The following LMF1 variants were observed in gnomAD, a reference collection of about 807,000 sequenced individuals.
LMF1 encodes the protein transmembrane protein 112.
LMF1 carries 68 observed loss-of-function variants against 60.6 expected under a neutral mutation model. The ratio of observed to expected loss-of-function variants is 1.12; its 90% confidence interval spans 0.92 to 1.37. The LOEUF (loss-of-function observed/expected upper bound fraction) is 1.37. Ranked by LOEUF, LMF1 falls within the 40% of genes most tolerant of loss-of-function variation. The probability of loss-of-function intolerance (pLI) is 0.00; values close to 1 mark genes in which losing one functional copy is unlikely to be tolerated. For synonymous variants in LMF1, 418 were observed against 324.7 expected, an observed-to-expected ratio of 1.29 and a Z score of -3.09; for missense variants, 948 against 767.2, an observed-to-expected ratio of 1.24 and a Z score of -2.78.
At chr16:948,465 G>A (rs1442236470) in intron 2 of LMF1, among the ~76,000 whole-genome samples, 1 of 149,724 alleles carries the variant, frequency 6.7e-6, no homozygotes, top group Non-Finnish European at 1.5e-5. Flanking sequence ...GACAGAGTCA[G>A]AGACAATGAC....
chr16:971,033 CA>C (rs1567343233), upstream of LMF1: 3 of 762,130 alleles, frequency 3.9e-6, no homozygotes, highest in East Asian at 8.9e-5. Context: ...AGGCCCCGCC[CA>C]TTCTCGGAGG....
intron 1 of LMF1, chr16:980,995 C>A: frequency 6.3e-6 from 1 of 159,166 alleles, no homozygotes. Context: ...GCGCCGGGGT[C>A]AGCGCAGGCC....
chr16:888,362 C>T (rs1427443074), intron 5 of LMF1, among the ~76,000 whole-genome samples: 1 of 152,206 alleles, frequency 6.6e-6, no homozygotes, highest in Non-Finnish European at 1.5e-5. Flanking sequence ...GTTCAACTCC[C>T]CTAAAAAGCA....
rs149446571 is a variant in LMF1, at chr16:863,691, T to A, written c.1529+5253A>T. Among the ~76,000 whole-genome samples the A allele has an allele frequency of 3.1e-3, 479 of 152,370 alleles. 8 individuals are homozygous for A. Among genetic ancestry groups the A allele is most frequent in the Admixed American group, 0.029 (443 of 15,308 alleles). ...TTTTTTAAGCGATGGGGTCTTCCTGTGCTGCCTGATGCCAAGAGGCTGGCG... is the reference window on the plus strand; with the variant it reads ...TTTTTTAAGCGATGGGGTCTTCCTGAGCTGCCTGATGCCAAGAGGCTGGCG... On this transcript the variant is annotated intron_variant, in intron 10 of 10. Coordinates refer to ENST00000262301, the MANE Select transcript of LMF1 (RefSeq NM_022773.4).
At chr16:976,023 A>G in intron 1 of LMF1, 1 of 454,000 alleles carries the variant, frequency 2.2e-6, no homozygotes, top group Non-Finnish European at 4.4e-6. Context: ...AAGGGGCCTC[A>G]TGAACTCTGA....
intron 4 of LMF1, among the ~76,000 whole-genome samples, chr16:908,668 C>T (rs1374957588): frequency 6.6e-6 from 1 of 152,242 alleles, no homozygotes; most frequent in Non-Finnish European, 1.5e-5. Flanking sequence ...CTCACCAGCC[C>T]AGAGGTCACC....
chr16:909,894 C>T (rs767779073), intron 4 of LMF1, among the ~76,000 whole-genome samples: 5 of 152,252 alleles, frequency 3.3e-5, no homozygotes, highest in East Asian at 1.9e-4. Context: ...GTGGCCCTGG[C>T]GTGAGCGCGC....
intron 3 of LMF1, among the ~76,000 whole-genome samples, chr16:923,814 A>G (rs929508210): frequency 2.6e-5 from 4 of 152,200 alleles, no homozygotes; most frequent in Non-Finnish European, 4.4e-5. Context: ...AGCAGTAACA[A>G]TGAGGTCCTG....
intron 2 of LMF1, among the ~76,000 whole-genome samples, chr16:935,556 T>C (rs896263108): frequency 2.1e-5 from 3 of 142,810 alleles, no homozygotes; most frequent in African/African-American, 8.5e-5. Flanking sequence ...CTAACACTAG[T>C]GACAGCTGAT....
intron 9 of LMF1, 94 bp from the exon 10 acceptor site, chr16:869,150 AGGCTTTCCTGGAGGT>A: frequency 1.2e-6 from 1 of 862,570 alleles, no homozygotes; most frequent in Non-Finnish European, 2.0e-6. Flanking sequence ...CTCCCTCCTG[AGGCTTTCCTGGAGGT>A]GGGTTCCCTG....
Position 970,910 on chromosome 16 carries a change from T to A in LMF1, c.71A>T (p.Asp24Val), listed in dbSNP as rs1480895629. ...SLRRRKTGYS[D>V]PEPESPPAPG... ...CGCGGGCGGCGACTCAGGCTCCGGA[T>A]CCGAGTACCCAGTCTTCCGCCTCCT... Residue 24 changes from aspartate to valine, a missense_variant, in exon 1 of 11, where the codon GAT becomes GTT. Coordinates refer to ENST00000262301, the MANE Select transcript of LMF1 (RefSeq NM_022773.4). The A allele has an allele frequency of 1.9e-6, 3 of 1,582,238 alleles. No homozygotes were observed. Among genetic ancestry groups the A allele is most frequent in the South Asian group, 2.3e-5 (2 of 86,710 alleles).
At chr16:860,952 C>T (rs1323202464) in intron 10 of LMF1, among the ~76,000 whole-genome samples, 1 of 152,058 alleles carries the variant, frequency 6.6e-6, no homozygotes, top group African/African-American at 2.4e-5. Context: ...GCTATTTTTG[C>T]TCCTTTACAT....
upstream of LMF1, chr16:971,110 C>T (rs892427089): frequency 2.0e-6 from 2 of 996,818 alleles, no homozygotes; most frequent in African/African-American, 1.7e-5. Context: ...GGAGGCCCCG[C>T]TCACAGTCCC....
intron 5 of LMF1, among the ~76,000 whole-genome samples, chr16:892,107 A>G (rs945708698): frequency 6.6e-6 from 1 of 152,236 alleles, no homozygotes; most frequent in Non-Finnish European, 1.5e-5. Flanking sequence ...CCGGAATCGC[A>G]GCAGAGGCAC....
At chr16:977,861 C>G (rs1383146374) in intron 1 of LMF1, among the ~76,000 whole-genome samples, 1 of 149,660 alleles carries the variant, frequency 6.7e-6, no homozygotes, top group Non-Finnish European at 1.5e-5. Flanking sequence ...CACCACACAT[C>G]ACAAACACAC....
intron 3 of LMF1, among the ~76,000 whole-genome samples, chr16:917,859 G>T (rs1472282379): frequency 6.6e-6 from 1 of 152,240 alleles, no homozygotes; most frequent in African/African-American, 2.4e-5. Flanking sequence ...TCCCTGGCCT[G>T]TGGTCACCCA....
chr16:931,712 C>G (rs1394213371), intron 3 of LMF1: 1 of 1,287,076 alleles, frequency 7.8e-7, no homozygotes, highest in African/African-American at 1.5e-5. Context: ...CATGGCTGCT[C>G]GGAAGGCAGG....
chr16:853,886 T>A lies in LMF1; in HGVS notation c.*646A>T. 2.2e-6 allele frequency: 1 copy of A among 454,072 alleles called. No homozygotes were observed. Among genetic ancestry groups the A allele is most frequent in the Non-Finnish European group, 4.4e-6 (1 of 226,784 alleles). 28.1% of individuals were successfully genotyped at this position (454,072 alleles called of 1,614,324 possible). A position where few individuals can be genotyped will look rare whatever the true frequency, so the allele number is the denominator to read the frequency against. ...CTCACAGACACCAGTCATGGGGGGA[T>A]GAAACCGGGCCAAGAACACATGTGT... On this transcript the variant is annotated 3_prime_UTR_variant, in exon 11 of 11. Coordinates refer to ENST00000262301, the MANE Select transcript of LMF1 (RefSeq NM_022773.4).
intron 4 of LMF1, among the ~76,000 whole-genome samples, chr16:909,568 C>T (rs1231061898): frequency 5.3e-5 from 8 of 152,334 alleles, no homozygotes; most frequent in Admixed American, 2.0e-4. Context: ...CTACACGCTA[C>T]AGCAAGCCAC....
Sources: gnomAD v4.1 joint callset for allele counts (sites outside exome capture counted in the v4.1 genomes callset) on GRCh38, gnomAD v4.1.1 for gene constraint, MANE v1.5 for transcripts, NCBI Gene and HGNC (gene_info 2026-07-23, HGNC 2026-07-21) for gene names.